The following ZNF430 variants were observed in gnomAD, a reference collection of about 807,000 sequenced individuals.
The protein encoded by ZNF430 is zinc finger protein 430.
A neutral mutation model predicts 56.7 loss-of-function variants in ZNF430; 35 were observed. The observed-to-expected ratio is 0.62, with a 90% CI of 0.47 to 0.82. The LOEUF (loss-of-function observed/expected upper bound fraction) is 0.82. Among genes scored for constraint, ZNF430 ranks in the 40% least tolerant of loss-of-function variants. The probability of loss-of-function intolerance (pLI) is 0.00; values close to 1 mark genes in which losing one functional copy is unlikely to be tolerated. For missense variants in ZNF430, 574 were observed against 661.0 expected (o/e 0.87, Z 1.44); for synonymous variants, 212 against 224.3 (o/e 0.94, Z 0.49).
At chr19:21,049,710 G>GTGTAACATTTCTTGTTACATTTCT (rs1568591380) in intron 4 of ZNF430, 1 of 151,988 alleles carries the variant, frequency 6.6e-6, no homozygotes, top group Non-Finnish European at 1.5e-5. Flanking sequence ...GTTACATTTC[G>GTGTAACATTTCTTGTTACATTTCT]TGTAACATTT....
chr19:21,020,977 A>G (rs1303091340), intron 1 of ZNF430, among the ~76,000 whole-genome samples, 174 bp downstream of exon 1: 2 of 152,156 alleles, frequency 1.3e-5, no homozygotes, highest in African/African-American at 2.4e-5. Context: ...CTGCGCTGAC[A>G]GGCGGGCCCC....
chr19:21,034,004 C>A, intron 3 of ZNF430, 82 bp from the exon 4 acceptor site: 2 of 997,920 alleles, frequency 2.0e-6, no homozygotes, highest in Non-Finnish European at 3.0e-6. Flanking sequence ...GAATATTCTA[C>A]CACATCCTCT....
intron 4 of ZNF430, among the ~76,000 whole-genome samples, chr19:21,040,401 CAG>C (rs1291988060): frequency 1.3e-5 from 2 of 152,146 alleles, no homozygotes; most frequent in African/African-American, 4.8e-5. Flanking sequence ...TTTTAGTAAT[CAG>C]AAAGTTTTCA....
At position 21,057,550 on chromosome 19, in the gene ZNF430, G is replaced by T. The variant is rs143247089; in HGVS notation, c.1242G>T (p.Ser414=). Residue 414 remains serine, a synonymous_variant, in exon 5 of 5, where the codon TCG becomes TCT. Coordinates refer to ENST00000261560, the MANE Select transcript of ZNF430 (RefSeq NM_025189.4). ...GTGGCAAAGGCTTTAATTGGTCCTC[G>T]ACCCTTACTAAACATAAAAGAATTC... is the stretch of plus-strand genomic sequence containing the variant. ...EECGKGFNWS[S]TLTKHKRIHT... is the part of the protein sequence containing the mutation. 2 of 1,584,542 alleles carry T rather than the reference G, an allele frequency of 1.3e-6. No homozygotes were observed. The highest frequency in any genetic ancestry group is 2.3e-5 in the East Asian group (1 of 43,514).
At position 21,056,710 on chromosome 19, in the gene ZNF430, A is replaced by C; in HGVS notation, c.402A>C (p.Arg134Ser). Residue 134 changes from arginine (R) to serine (S), a missense_variant, in exon 5 of 5, where the codon AGA (arginine) becomes AGC (serine). By Grantham distance (110) the Arg-to-Ser change is moderately radical (BLOSUM62 -1). Transcript: ENST00000261560. The part of the protein sequence containing the change: ...KDSFQEVILR[R>S]YGKCGHEDLQ... ...CTTTCCAAGAAGTCATATTGAGAAG[A>C]TATGGAAAATGTGGACATGAAGATT... The C allele has an allele frequency of 6.2e-7, 1 of 1,609,140 alleles. No homozygotes were observed. The highest frequency in any genetic ancestry group is 8.5e-7 in the Non-Finnish European group (1 of 1,177,422).
intron 4 of ZNF430, chr19:21,036,649 T>A (rs1968004729): frequency 1.3e-5 from 2 of 152,016 alleles, no homozygotes; most frequent in African/African-American, 4.8e-5. Flanking sequence ...AAATGTTTTT[T>A]AAAAATAGCC....
In ZNF430 at chr19:21,033,483, A is replaced by G. The variant is rs1458802483; in HGVS notation, c.124A>G (p.Ile42Val). Reference sequence around the variant, plus strand: ...GCCATTGACATTTAGGGATGTGGCCATAGAATTTTCTCTGGAGGAGTGGCA... The same window carrying G: ...GCCATTGACATTTAGGGATGTGGCCGTAGAATTTTCTCTGGAGGAGTGGCA... ...KGPLTFRDVA[I>V]EFSLEEWQCL... Residue 42 changes from isoleucine (I) to valine (V), a missense_variant, in exon 3 of 5, where the codon ATA becomes GTA. Physicochemically the swap from Ile to Val is conservative, Grantham distance 29 (BLOSUM62 3). Around this residue, in one of 3 missense-constraint regions of ZNF430, gnomAD observed 346 missense variants for 399.1 expected, o/e 0.87. Coordinates refer to ENST00000261560, the MANE Select transcript of ZNF430 (RefSeq NM_025189.4). 5.0e-6 allele frequency: 8 copies of G among 1,611,494 alleles called. No individual in the cohort carries two copies. Among genetic ancestry groups the G allele is most frequent in the Non-Finnish European group, 6.8e-6 (8 of 1,178,756 alleles).
chr19:21,032,242 C>G (rs113168698), intron 2 of ZNF430, among the ~76,000 whole-genome samples: 10,794 of 152,194 alleles, frequency 0.071, 464 homozygotes, highest in Non-Finnish European at 0.086. Flanking sequence ...TAGGAGATAC[C>G]TGCTCTCTAG....
chr19:21,026,827 C>CT (rs747809260), intron 2 of ZNF430, among the ~76,000 whole-genome samples: 7,931 of 68,174 alleles, frequency 0.12, 1,075 homozygotes, highest in African/African-American at 0.2. Flanking sequence ...CTTTTCTTTT[C>CT]TTTTTTTTTT....
At chr19:21,028,296 G>A (rs1291595626) in intron 2 of ZNF430, among the ~76,000 whole-genome samples, 1 of 152,194 alleles carries the variant, frequency 6.6e-6, no homozygotes, top group Non-Finnish European at 1.5e-5. Flanking sequence ...AGAATCTGAT[G>A]ACAGAATCAG....
chr19:21,056,911 A>G lies in ZNF430; in HGVS notation c.603A>G (p.Gly201=). 1 of 1,612,958 alleles carries G rather than the reference A, an allele frequency of 6.2e-7. No individual in the cohort carries two copies. Among genetic ancestry groups the G allele is most frequent in the Non-Finnish European group, 8.5e-7 (1 of 1,179,514 alleles). Residue 201 remains glycine (G), a synonymous_variant, in exon 5 of 5, where the codon GGA becomes GGG. Transcript: ENST00000261560. ...NPNIQKIRHT[G]KKPFKCKKCD... is the part of the protein sequence containing the mutation. The stretch of plus-strand genomic sequence containing the variant: ...ATATACAAAAGATAAGACATACTGG[A>G]AAGAAGCCTTTCAAATGTAAAAAAT...
intron 4 of ZNF430, among the ~76,000 whole-genome samples, chr19:21,047,881 G>C (rs536120801): frequency 6.6e-6 from 1 of 152,326 alleles, no homozygotes; most frequent in Non-Finnish European, 1.5e-5. Flanking sequence ...TGGCTGTGCT[G>C]CACTGAGGGA....
intron 1 of ZNF430, 66 bp downstream of exon 1, chr19:21,020,869 T>A: frequency 6.2e-7 from 1 of 1,608,652 alleles, no homozygotes; most frequent in Non-Finnish European, 8.5e-7. Flanking sequence ...GGGAAGTGGC[T>A]GTGGCGGGAC....
chr19:21,032,557 G>A (rs112857199), intron 2 of ZNF430, among the ~76,000 whole-genome samples: 10,787 of 152,032 alleles, frequency 0.071, 464 homozygotes, highest in Non-Finnish European at 0.086. Context: ...GAGAAACCCC[G>A]TCTTTACTAA....
intron 2 of ZNF430, 113 bp from the exon 3 acceptor site, chr19:21,033,342 TG>T: frequency 7.2e-7 from 1 of 1,390,606 alleles, no homozygotes. Flanking sequence ...CAGTCATTCC[TG>T]CAAATCAGAA....
At chr19:21,025,048 C>T (rs942371720) in intron 2 of ZNF430, among the ~76,000 whole-genome samples, 2 of 152,186 alleles carry the variant, frequency 1.3e-5, no homozygotes, top group African/African-American at 4.8e-5. Context: ...ACAATCCACA[C>T]CCCAAGAGAG....
At chr19:21,042,417 A>G (rs902337684) in intron 4 of ZNF430, among the ~76,000 whole-genome samples, 3 of 152,168 alleles carry the variant, frequency 2.0e-5, no homozygotes, top group African/African-American at 7.2e-5. Flanking sequence ...ACTAATTTAC[A>G]TTCTCACCGA....
At position 21,033,573 on chromosome 19, in the gene ZNF430, G is replaced by T. The variant is rs1967940212; in HGVS notation, c.214G>T (p.Val72Phe). Residue 72 changes from valine (V) to phenylalanine (F), a missense_variant, in exon 3 of 5, where the codon GTC (valine) becomes TTC (phenylalanine). Physicochemically the swap from Val to Phe is conservative, Grantham distance 50. Around this residue, in one of 3 missense-constraint regions of ZNF430, gnomAD observed 346 missense variants for 399.1 expected, o/e 0.87. Coordinates refer to ENST00000261560, the MANE Select transcript of ZNF430 (RefSeq NM_025189.4). ...GATGTTAGAGAACTACAGAAACCTGGTCTTCTTGGGTGAGAATAACTTTAG... is the reference window on the plus strand; with the variant it reads ...GATGTTAGAGAACTACAGAAACCTGTTCTTCTTGGGTGAGAATAACTTTAG... ...KVMLENYRNLVFLAGIAVSKP... is the reference protein window; with the variant it reads ...KVMLENYRNLFFLAGIAVSKP... 1.2e-6 allele frequency: 2 copies of T among 1,607,364 alleles called. No homozygotes were observed. Among genetic ancestry groups the T allele is most frequent in the Non-Finnish European group, 1.7e-6 (2 of 1,177,066 alleles).
chr19:21,027,825 A>C (rs1967831740), intron 2 of ZNF430, among the ~76,000 whole-genome samples: 2 of 151,760 alleles, frequency 1.3e-5, no homozygotes, highest in Admixed American at 1.3e-4. Flanking sequence ...GGAGCTTGTT[A>C]TTGGTCTATT....
Sources: gnomAD v4.1 joint callset for allele counts (sites outside exome capture counted in the v4.1 genomes callset) on GRCh38, gnomAD v4.1.1 for gene constraint, gnomAD v4.1.1 regional missense constraint, MANE v1.5 for transcripts, NCBI Gene and HGNC (gene_info 2026-07-23, HGNC 2026-07-21) for gene names.